The following CACNA1C variants were observed in gnomAD, a reference collection of about 807,000 sequenced individuals.
The protein encoded by CACNA1C is calcium voltage-gated channel subunit alpha1 C.
Under a neutral mutation model 229.0 loss-of-function variants are expected in CACNA1C, and 30 were observed. The ratio of observed to expected loss-of-function variants is 0.13; its 90% CI spans 0.10 to 0.18. The LOEUF is 0.18. CACNA1C is among the 10% of genes least tolerant of loss of function. The pLI is 1.00. For missense variants in CACNA1C, 1,658 were observed against 2,845.0 expected, an observed-to-expected ratio of 0.58 and a Z score of 9.49; for synonymous variants, 1,114 against 1,132.5, an observed-to-expected ratio of 0.98 and a Z score of 0.33.
intron 6 of CACNA1C, among the ~76,000 whole-genome samples, chr12:2,490,262 A>G (rs907596515): frequency 2.0e-5 from 3 of 152,226 alleles, no homozygotes; most frequent in Non-Finnish European, 2.9e-5. Context: ...TAAAATCCCC[A>G]GAGATGTTTT....
intron 7 of CACNA1C, among the ~76,000 whole-genome samples, chr12:2,501,209 C>CAAAAA (rs59324696): frequency 0.011 from 347 of 31,280 alleles, 28 homozygotes; most frequent in African/African-American, 0.013. Flanking sequence ...GACTCCACCT[C>CAAAAA]AAAAAAAAAA....
At position 2,486,403 on chromosome 12, in the gene CACNA1C, G is replaced by T; in HGVS notation, c.916+141G>T. The T allele has an allele frequency of 1.6e-6, 1 of 622,218 alleles. No homozygotes were observed. Among genetic ancestry groups the T allele is most frequent in the Non-Finnish European group, 2.6e-6 (1 of 382,150 alleles). 38.5% of individuals were successfully genotyped at this position (622,218 alleles called of 1,614,324 possible). A position where few individuals can be genotyped will look rare whatever the true frequency, so the allele number is the denominator to read the frequency against. ...TCAGACACACACTGGGCATGGTTAA[G>T]TGAGAGGCAGAGACCCGTATCCTTT... On this transcript the variant is annotated intron_variant, in intron 6 of 46. Transcript: ENST00000399655. The surrounding 1 kb of genome is among the most constrained non-coding windows in gnomAD (Gnocchi z 4.9).
intron 1 of CACNA1C, among the ~76,000 whole-genome samples, chr12:2,068,033 C>T (rs142187370): frequency 6.6e-6 from 1 of 152,290 alleles, no homozygotes; most frequent in African/African-American, 2.4e-5. Flanking sequence ...ATCCTCTCCC[C>T]TGTTGTAATC....
intron 3 of CACNA1C, among the ~76,000 whole-genome samples, chr12:2,230,513 AGAG>A (rs1477092613): frequency 1.3e-5 from 2 of 152,210 alleles, no homozygotes; most frequent in African/African-American, 4.8e-5. Context: ...CAAAAGGCTA[AGAG>A]GAGAACAGAA....
chr12:2,394,182 A>G (rs909490835), intron 3 of CACNA1C, among the ~76,000 whole-genome samples: 3 of 151,518 alleles, frequency 2.0e-5, no homozygotes, highest in Non-Finnish European at 4.4e-5. Context: ...GCCAGGGTGA[A>G]CCAGCACGGG....
chr12:2,487,923 C>T (rs758400442), intron 6 of CACNA1C, among the ~76,000 whole-genome samples: 1 of 152,090 alleles, frequency 6.6e-6, no homozygotes, highest in Non-Finnish European at 1.5e-5. Flanking sequence ...TAAAAACTGA[C>T]TGTGGTATGT....
At chr12:2,263,200 G>A (rs2081020536) in intron 3 of CACNA1C, among the ~76,000 whole-genome samples, 1 of 152,056 alleles carries the variant, frequency 6.6e-6, no homozygotes, top group Non-Finnish European at 1.5e-5. Context: ...GGAGGGCCAG[G>A]TGCAGAGGCC....
At chr12:2,174,670 T>C (rs371649106) in intron 3 of CACNA1C, among the ~76,000 whole-genome samples, 10 of 152,142 alleles carry the variant, frequency 6.6e-5, no homozygotes, top group African/African-American at 2.4e-4. Context: ...CCTTGGATGG[T>C]CAAAAATCTG....
chr12:2,149,346 C>A (rs1430644505), intron 3 of CACNA1C, among the ~76,000 whole-genome samples: 2 of 152,096 alleles, frequency 1.3e-5, no homozygotes, highest in African/African-American at 4.8e-5. Flanking sequence ...GAAAGAGAGG[C>A]CTGGTGAAAT....
At chr12:2,245,416 T>A (rs80071235) in intron 3 of CACNA1C, among the ~76,000 whole-genome samples, 10,417 of 152,174 alleles carry the variant, frequency 0.068, 516 homozygotes, top group African/African-American at 0.13. Context: ...CTCTGAGCAG[T>A]GTGTTTCAGG....
intron 3 of CACNA1C, among the ~76,000 whole-genome samples, chr12:2,127,821 A>T (rs2090717219): frequency 6.6e-6 from 1 of 152,202 alleles, no homozygotes; most frequent in South Asian, 2.1e-4. Context: ...TAGGTCAGTC[A>T]CTTAACCTCT....
Position 2,666,869 on chromosome 12 carries a change from A to T in CACNA1C, c.4623+87A>T, listed in dbSNP as rs959249894. 7 of 795,366 alleles carry T rather than the reference A, an allele frequency of 8.8e-6. No individual in the cohort carries two copies. The African/African-American group carries it at 1.2e-4, about 14-fold the overall frequency. The allele number at this position is 795,366 out of a possible 1,614,324, so 49.3% of individuals were successfully genotyped here. On this transcript the variant is annotated intron_variant, in intron 37 of 46. Transcript: ENST00000399655. This position sits in a 1 kb window ranked among gnomAD's most constrained non-coding sequence, Gnocchi z 5.3. ...CTTGTGATCCTTTAAGGGAATGAAC[A>T]TACTAGTTTATGTGCCTAAAGATTA...
At chr12:2,430,057 C>G (rs1169928192) in intron 3 of CACNA1C, among the ~76,000 whole-genome samples, 1 of 152,152 alleles carries the variant, frequency 6.6e-6, no homozygotes, top group Non-Finnish European at 1.5e-5. Flanking sequence ...GACTTGGTGT[C>G]TGGTGAGGGC....
chr12:2,093,392 T>C (rs576254910), intron 1 of CACNA1C, among the ~76,000 whole-genome samples: 1 of 152,344 alleles, frequency 6.6e-6, no homozygotes, highest in African/African-American at 2.4e-5. Context: ...CATAGTGGAA[T>C]GAGACAGGAC....
chr12:2,396,817 T>A (rs963898741), intron 3 of CACNA1C, among the ~76,000 whole-genome samples: 4 of 152,366 alleles, frequency 2.6e-5, no homozygotes, highest in Non-Finnish European at 4.4e-5. Flanking sequence ...CATTCAGAAG[T>A]ACGTGAACAC....
chr12:2,071,515 C>T lies in CACNA1C; in HGVS notation c.49+17904C>T, dbSNP rs560078744. ...TGGGATTATAGGCATGAGCTACTAC[C>T]GCTCCCAGCCTCACGATCTTTTCAA... On this transcript the variant is annotated intron_variant, in intron 1 of 46. Transcript: ENST00000399655. Among the ~76,000 whole-genome samples, 95 of 152,146 alleles carry T rather than the reference C, an allele frequency of 6.2e-4. No homozygotes were observed. The South Asian group carries it at 0.013, about 21-fold the overall frequency.
chr12:2,631,887 C>G (rs566678815), intron 29 of CACNA1C, among the ~76,000 whole-genome samples: 6 of 152,322 alleles, frequency 3.9e-5, no homozygotes, highest in Admixed American at 3.9e-4. Flanking sequence ...GACAGCATGT[C>G]TTTCGGTCCC....
intron 43 of CACNA1C, among the ~76,000 whole-genome samples, chr12:2,684,039 G>A (rs2097313491): frequency 6.6e-6 from 1 of 152,210 alleles, no homozygotes; most frequent in South Asian, 2.1e-4. Context: ...AGACAGGAAA[G>A]GTGTGGCTGG....
chr12:2,226,120 G>C (rs2062870376), intron 3 of CACNA1C, among the ~76,000 whole-genome samples: 1 of 107,782 alleles, frequency 9.3e-6, no homozygotes, highest in Admixed American at 1.1e-4. Context: ...TGGATATGGG[G>C]ACGCGCACAC....
Sources: gnomAD v4.1 joint callset for allele counts (sites outside exome capture counted in the v4.1 genomes callset) on GRCh38, gnomAD v4.1.1 for gene constraint, Gnocchi (gnomAD v3.1) non-coding constraint, MANE v1.5 for transcripts, NCBI Gene and HGNC (gene_info 2026-07-23, HGNC 2026-07-21) for gene names.